The following OR2T11 variants were observed in gnomAD, a reference collection of about 807,000 sequenced individuals.
OR2T11 encodes the protein olfactory receptor family 2 subfamily T member 11.
Under a neutral mutation model 13.5 loss-of-function variants are expected in OR2T11, and 14 were observed. The ratio of observed to expected loss-of-function variants is 1.04; its 90% confidence interval spans 0.69 to 1.62. The LOEUF is 1.62. Among genes scored for constraint, OR2T11 ranks in the 40% most tolerant of loss-of-function variants. The pLI is 0.00. For missense variants in OR2T11, 410 were observed against 389.7 expected (o/e 1.05, Z -0.44); for synonymous variants, 163 against 154.6 (o/e 1.05, Z -0.40).
At chr1:248,629,828 C>CCT (rs1371690783) in intron 1 of OR2T11, among the ~76,000 whole-genome samples, 2 of 141,692 alleles carry the variant, frequency 1.4e-5, no homozygotes, top group Non-Finnish European at 3.0e-5. Flanking sequence ...GCCTGGGGCT[C>CCT]CTCCTCCAAC....
Position 248,634,226 on chromosome 1 carries a change from G to T in OR2T11, c.-145+812C>A, listed in dbSNP as rs1233583796. 2.6e-5 allele frequency among the ~76,000 whole-genome samples: 2 copies of T among 75,806 alleles called. 1 individual carries two copies. Among genetic ancestry groups the T allele is most frequent in the African/African-American group, 1.0e-4 (2 of 19,958 alleles). 49.7% of individuals were successfully genotyped at this position (75,806 alleles called of 152,430 possible). On this transcript the variant is annotated intron_variant, in intron 1 of 1. Coordinates refer to ENST00000641193, the MANE Select transcript of OR2T11 (RefSeq NM_001001964.2). ...TTCTATGTTAGGAAAAGTTTTAAGTGCTTGCGATGCCTAACAATTCTTGTT... is the reference window on the plus strand; with the variant it reads ...TTCTATGTTAGGAAAAGTTTTAAGTTCTTGCGATGCCTAACAATTCTTGTT...
At position 248,626,896 on chromosome 1, in the gene OR2T11, A is replaced by AG. The variant is rs771005356; in HGVS notation, c.232dup (p.Leu78ProfsTer8). ...CTCTTTAGAAACCATGTCTGCCAGG[A>AG]GTTTTGGGACAGTGGTACAGATGAA... On this transcript the variant is annotated frameshift_variant, in exon 2 of 2. Transcript: ENST00000641193. LOFTEE classifies it high-confidence loss of function. The AG allele has an allele frequency of 3.2e-6, 5 of 1,570,306 alleles. No homozygotes were observed. In the South Asian group the frequency reaches 4.5e-5, roughly 14 times the overall value.
Position 248,631,297 on chromosome 1 carries a change from G to A in OR2T11, c.-145+3741C>T, listed in dbSNP as rs1325933573. The stretch of plus-strand genomic sequence containing the variant: ...ATGAATTGGCCAGCACTTGTGTAGT[G>A]CTTCTTGCTGGGTCTCAGGCACCGT... On this transcript the variant is annotated intron_variant, in intron 1 of 1. Coordinates refer to ENST00000641193, the MANE Select transcript of OR2T11 (RefSeq NM_001001964.2). 2.1e-5 allele frequency among the ~76,000 whole-genome samples: 3 copies of A among 143,554 alleles called. 1 individual carries two copies. Among genetic ancestry groups the A allele is most frequent in the Non-Finnish European group, 4.5e-5 (3 of 66,296 alleles). The allele number at this position is 143,554 out of a possible 152,430, so 94.2% of individuals were successfully genotyped here. A position where few individuals can be genotyped will look rare whatever the true frequency, so the allele number is the denominator to read the frequency against.
At chr1:248,628,413 C>T (rs1472750990) in intron 1 of OR2T11, among the ~76,000 whole-genome samples, 1 of 139,928 alleles carries the variant, frequency 7.1e-6, no homozygotes, top group Admixed American at 7.0e-5. Flanking sequence ...AACGGGGGAG[C>T]CCGGATGCTG....
At position 248,626,431 on chromosome 1, in the gene OR2T11, T is replaced by G; in HGVS notation, c.698A>C (p.Lys233Thr). 1.3e-6 allele frequency: 2 copies of G among 1,571,246 alleles called. No homozygotes were observed. Residue 233 changes from lysine (K) to threonine (T), a missense_variant, in exon 2 of 2, where the codon AAG becomes ACG. Transcript: ENST00000641193. ...GTGGGAGGAACAAGTGGTGAAGGCC[T>G]TTTTGCGACCTTCAGCAGAGGGCAT... ...HRMPSAEGRK[K>T]AFTTCSSHLT...
At position 248,624,697 on chromosome 1, in the gene OR2T11, A is replaced by T. The variant is rs1220241460; in HGVS notation, c.*1481T>A. 4 of 144,236 alleles carry T rather than the reference A, an allele frequency of 2.8e-5. No individual in the cohort carries two copies. Among genetic ancestry groups the T allele is most frequent in the Admixed American group, 1.4e-4 (2 of 14,794 alleles). The allele number at this position is 144,236 out of a possible 1,614,324, so 8.9% of individuals were successfully genotyped here. The stretch of plus-strand genomic sequence containing the variant: ...TGTTCAGAACTCTAATCTGAAGTAC[A>T]ATTGACTTTACATATAGCTTCAATA... On this transcript the variant is annotated 3_prime_UTR_variant, in exon 2 of 2. Coordinates refer to ENST00000641193, the MANE Select transcript of OR2T11 (RefSeq NM_001001964.2).
intron 1 of OR2T11, among the ~76,000 whole-genome samples, chr1:248,628,009 A>G (rs1203283979): frequency 7.0e-6 from 1 of 143,776 alleles, no homozygotes; most frequent in East Asian, 2.0e-4. Context: ...GACTCCCTGC[A>G]TTGCTCTCCA....
rs1197784009 is a variant in OR2T11, at chr1:248,624,816, C to A, written c.*1362G>T. 1 of 144,036 alleles carries A rather than the reference C, an allele frequency of 6.9e-6. No individual in the cohort carries two copies. Among genetic ancestry groups the A allele is most frequent in the South Asian group, 2.2e-4 (1 of 4,610 alleles). 8.9% of individuals were successfully genotyped at this position (144,036 alleles called of 1,614,324 possible). A position where few individuals can be genotyped will look rare whatever the true frequency, so the allele number is the denominator to read the frequency against. On this transcript the variant is annotated 3_prime_UTR_variant, in exon 2 of 2. Transcript: ENST00000641193. ...CCATCACGGCTCACTGCAGCCTCAACTTCTCAGCCTCCCGTGATCCTCCCA... is the reference window on the plus strand; with the variant it reads ...CCATCACGGCTCACTGCAGCCTCAAATTCTCAGCCTCCCGTGATCCTCCCA...
At chr1:248,628,967 G>C (rs1304957835) in intron 1 of OR2T11, among the ~76,000 whole-genome samples, 1 of 143,056 alleles carries the variant, frequency 7.0e-6, no homozygotes, top group East Asian at 2.0e-4. Context: ...AATATATTCT[G>C]CTAATTCAAA....
chr1:248,628,223 T>C (rs1021543869), intron 1 of OR2T11, among the ~76,000 whole-genome samples: 3 of 143,026 alleles, frequency 2.1e-5, no homozygotes, highest in Non-Finnish European at 4.5e-5. Context: ...CAGGCCACCG[T>C]TTAAGAAGGA....
At position 248,626,751 on chromosome 1, in the gene OR2T11, A is replaced by T; in HGVS notation, c.378T>A (p.Pro126=). Residue 126 remains proline (P), a synonymous_variant, in exon 2 of 2, where the codon CCT becomes CCA. Coordinates refer to ENST00000641193, the MANE Select transcript of OR2T11 (RefSeq NM_001001964.2). ...GGTTCATCAGGACTGGGTATCTCAGAGGGTTACAGACAGCCACGTAGCAGT... is the reference window on the plus strand; with the variant it reads ...GGTTCATCAGGACTGGGTATCTCAGTGGGTTACAGACAGCCACGTAGCAGT... ...AYDCYVAVCN[P]LRYPVLMNRK... 1 of 1,572,878 alleles carries T rather than the reference A, an allele frequency of 6.4e-7. No individual in the cohort carries two copies. Among genetic ancestry groups the T allele is most frequent in the South Asian group, 1.1e-5 (1 of 88,898 alleles).
chr1:248,628,538 A>G (rs578169290), intron 1 of OR2T11, among the ~76,000 whole-genome samples: 1 of 141,470 alleles, frequency 7.1e-6, no homozygotes, highest in African/African-American at 2.8e-5. Context: ...AGATAATCAA[A>G]AAATGTTTTA....
intron 1 of OR2T11, among the ~76,000 whole-genome samples, chr1:248,628,340 C>T (rs1376874620): frequency 7.1e-6 from 1 of 141,414 alleles, no homozygotes; most frequent in Non-Finnish European, 1.5e-5. Context: ...GCACCTCCTC[C>T]CCGGCATGGT....
Position 248,626,697 on chromosome 1 carries a change from A to G in OR2T11, c.432T>C (p.Gly144=). The change falls in exon 2 of 2, where the codon GGT becomes GGC. Residue 144 remains glycine, a synonymous_variant. Transcript: ENST00000641193. The part of the protein sequence containing the change: ...NRKKCLLLAA[G]AWFGGSLDGF... ...CATCGAGGGAGCCCCCAAACCAGGC[A>G]CCAGCAGCCAGCAAAAGACACTTCT... 1 of 1,573,408 alleles carries G rather than the reference A, an allele frequency of 6.4e-7. No individual in the cohort carries two copies. The highest frequency in any genetic ancestry group is 8.6e-7 in the Non-Finnish European group (1 of 1,157,072).
intron 1 of OR2T11, among the ~76,000 whole-genome samples, chr1:248,633,287 C>T (rs1660637475): frequency 7.1e-6 from 1 of 141,182 alleles, no homozygotes; most frequent in Non-Finnish European, 1.5e-5. Flanking sequence ...TGTTCATCTT[C>T]ATCCTATAGC....
rs1660514666 is a variant in OR2T11 at position 248,626,220 on chromosome 1, T to C, written c.909A>G (p.Ala303=). The C allele has an allele frequency of 2.6e-6, 4 of 1,562,842 alleles. No homozygotes were observed. Among genetic ancestry groups the C allele is most frequent in the Non-Finnish European group, 2.6e-6 (3 of 1,147,128 alleles). ...DVIGAFKKVF[A]CCSSAQKVAT... ...CTACTTTCTGAGCAGATGAGCAACA[T>C]GCAAATACCTTTTTAAATGCCCCTA... The change falls in exon 2 of 2, where the codon GCA becomes GCG. Residue 303 remains alanine, a synonymous_variant. Coordinates refer to ENST00000641193, the MANE Select transcript of OR2T11 (RefSeq NM_001001964.2).
At position 248,626,221 on chromosome 1, in the gene OR2T11, G is replaced by A. The variant is rs1324504735; in HGVS notation, c.908C>T (p.Ala303Val). 6.4e-7 allele frequency: 1 copy of A among 1,562,726 alleles called. No homozygotes were observed. Among genetic ancestry groups the A allele is most frequent in the South Asian group, 1.1e-5 (1 of 88,692 alleles). Residue 303 changes from alanine to valine, a missense_variant, in exon 2 of 2, where the codon GCA (alanine) becomes GTA (valine). Transcript: ENST00000641193. ...DVIGAFKKVFACCSSAQKVAT... is the reference protein window; with the variant it reads ...DVIGAFKKVFVCCSSAQKVAT... ...TACTTTCTGAGCAGATGAGCAACAT[G>A]CAAATACCTTTTTAAATGCCCCTAT...
At position 248,626,167 on chromosome 1, in the gene OR2T11, G is replaced by A. The variant is rs780823746; in HGVS notation, c.*11C>T. ...GTCCTTAGGAAGCCTTATCCTCTGGGCAGTGACTCTCTAAGCATCACTTGT... is the reference window on the plus strand; with the variant it reads ...GTCCTTAGGAAGCCTTATCCTCTGGACAGTGACTCTCTAAGCATCACTTGT... On this transcript the variant is annotated 3_prime_UTR_variant, in exon 2 of 2. Coordinates refer to ENST00000641193, the MANE Select transcript of OR2T11 (RefSeq NM_001001964.2). 4 of 1,378,322 alleles carry A rather than the reference G, an allele frequency of 2.9e-6. No individual in the cohort carries two copies. The highest frequency in any genetic ancestry group is 4.1e-6 in the Non-Finnish European group (4 of 983,454). 85.4% of individuals were successfully genotyped at this position (1,378,322 alleles called of 1,614,324 possible).
At position 248,634,702 on chromosome 1, in the gene OR2T11, C is replaced by T. The variant is rs914111031; in HGVS notation, c.-145+336G>A. ...CCTGACGTTTCAGTCATTTTGTTTTCACAGAATTGTCAGAATTCTTAGCAG... is the reference window on the plus strand; with the variant it reads ...CCTGACGTTTCAGTCATTTTGTTTTTACAGAATTGTCAGAATTCTTAGCAG... On this transcript the variant is annotated intron_variant, in intron 1 of 1. Coordinates refer to ENST00000641193, the MANE Select transcript of OR2T11 (RefSeq NM_001001964.2). Among the ~76,000 whole-genome samples, 7 of 110,342 alleles carry T rather than the reference C, an allele frequency of 6.3e-5. 1 individual carries two copies. The highest frequency in any genetic ancestry group is 1.1e-4 in the Non-Finnish European group (6 of 53,422). The allele number at this position is 110,342 out of a possible 152,430, so 72.4% of individuals were successfully genotyped here. A position where few individuals can be genotyped will look rare whatever the true frequency, so the allele number is the denominator to read the frequency against.
Sources: gnomAD v4.1 joint callset for allele counts (sites outside exome capture counted in the v4.1 genomes callset) on GRCh38, gnomAD v4.1.1 for gene constraint, MANE v1.5 for transcripts, NCBI Gene and HGNC (gene_info 2026-07-23, HGNC 2026-07-21) for gene names.